Variants in FIGN observed in about 807,000 individuals in gnomAD.
FIGN encodes the protein fidgetin.
Under a neutral mutation model 51.3 loss-of-function variants are expected in FIGN, and 11 were observed. That is an observed-to-expected ratio of 0.21 (90% confidence interval 0.13 to 0.35). FIGN has a LOEUF of 0.35. FIGN is among the 10% of genes least tolerant of loss of function. FIGN has a pLI of 1.00. For missense variants in FIGN, 857 were observed against 943.6 expected (o/e 0.91, Z 1.20); for synonymous variants, 407 against 363.2 (o/e 1.12, Z -1.37).
chr2:163,688,475 T>C (rs966009825), intron 2 of FIGN, among the ~76,000 whole-genome samples: 1 of 152,068 alleles, frequency 6.6e-6, no homozygotes, highest in African/African-American at 2.4e-5. Context: ...CACTAGAAAA[T>C]GACAGACTGG....
At chr2:163,717,875 CT>C (rs1334309737) in intron 2 of FIGN, among the ~76,000 whole-genome samples, 1 of 152,090 alleles carries the variant, frequency 6.6e-6, no homozygotes, top group Non-Finnish European at 1.5e-5. Flanking sequence ...AAGCTGTAAC[CT>C]TTCTTGAAAT....
In FIGN at chr2:163,672,342, T is replaced by C. The variant is rs947527400; in HGVS notation, c.26-60536A>G. 1.5e-4 allele frequency among the ~76,000 whole-genome samples: 23 copies of C among 152,188 alleles called. No individual in the cohort carries two copies. The East Asian group carries it at 4.2e-3, about 28-fold the overall frequency. ...TTTACTGAGGAAACTGGGTATATTGTGTAACTCTATGATATAAGCTTCAGA... is the reference window on the plus strand; with the variant it reads ...TTTACTGAGGAAACTGGGTATATTGCGTAACTCTATGATATAAGCTTCAGA... On this transcript the variant is annotated intron_variant, in intron 2 of 2. Transcript: ENST00000333129.
intron 2 of FIGN, among the ~76,000 whole-genome samples, chr2:163,632,203 A>G (rs1055098244): frequency 2.6e-5 from 4 of 152,196 alleles, no homozygotes; most frequent in Non-Finnish European, 5.9e-5. Flanking sequence ...GTAATAAAGT[A>G]TTTTAAAAGT....
chr2:163,705,166 A>C (rs1344860401), intron 2 of FIGN, among the ~76,000 whole-genome samples: 1 of 152,188 alleles, frequency 6.6e-6, no homozygotes, highest in Non-Finnish European at 1.5e-5. Flanking sequence ...TGTTTAATAC[A>C]CATGTGAATT....
In FIGN at chr2:163,610,201, C is replaced by T; in HGVS notation, c.1631G>A (p.Gly544Glu). 2 of 1,614,090 alleles carry T rather than the reference C, an allele frequency of 1.2e-6. No homozygotes were observed. Among genetic ancestry groups the T allele is most frequent in the South Asian group, 1.1e-5 (1 of 91,080 alleles). ...ACCGGCAATTTTGAAAAATGTGGCC[C>T]CCAGCTGACTAGCGATGCATCTGCC... is the stretch of plus-strand genomic sequence containing the variant. ...LLGRCIASQL[G>E]ATFFKIAGSG... Residue 544 changes from glycine to glutamate, a missense_variant, in exon 3 of 3, where the codon GGG becomes GAG. Around this residue, in one of 3 missense-constraint regions of FIGN, gnomAD observed 799 missense variants for 849.5 expected, o/e 0.94. Coordinates refer to ENST00000333129, the MANE Select transcript of FIGN (RefSeq NM_018086.4).
chr2:163,630,312 G>A (rs1353914610), intron 2 of FIGN, among the ~76,000 whole-genome samples: 1 of 151,950 alleles, frequency 6.6e-6, no homozygotes, highest in African/African-American at 2.4e-5. Context: ...GAGCTAAAGG[G>A]CAGGTAGAAT....
intron 2 of FIGN, among the ~76,000 whole-genome samples, chr2:163,678,888 T>TC (rs1684014317): frequency 6.6e-6 from 1 of 152,170 alleles, no homozygotes; most frequent in African/African-American, 2.4e-5. Context: ...GAAGAAATCA[T>TC]GTGAGATTTG....
intron 2 of FIGN, among the ~76,000 whole-genome samples, chr2:163,701,200 C>G: frequency 6.6e-6 from 1 of 152,118 alleles, no homozygotes; most frequent in Middle Eastern, 3.2e-3. Context: ...TGGGCAATTT[C>G]CTTAATCTCA....
At chr2:163,669,236 G>T (rs1448924191) in intron 2 of FIGN, among the ~76,000 whole-genome samples, 1 of 151,800 alleles carries the variant, frequency 6.6e-6, no homozygotes, top group Non-Finnish European at 1.5e-5. Context: ...TTTAAGAAAG[G>T]GTCTCACTCA....
At chr2:163,706,527 T>G (rs1684502413) in intron 2 of FIGN, among the ~76,000 whole-genome samples, 1 of 152,158 alleles carries the variant, frequency 6.6e-6, no homozygotes, top group Non-Finnish European at 1.5e-5. Flanking sequence ...ATCATGATGA[T>G]TCAAACAGGT....
At chr2:163,734,721 T>G (rs1256708072) in intron 2 of FIGN, among the ~76,000 whole-genome samples, 182 bp downstream of exon 2, 2 of 152,064 alleles carry the variant, frequency 1.3e-5, no homozygotes, top group Non-Finnish European at 2.9e-5. Flanking sequence ...AAAACTGCAA[T>G]ATACAAACAA....
At chr2:163,714,165 T>C (rs1032968653) in intron 2 of FIGN, among the ~76,000 whole-genome samples, 1 of 152,192 alleles carries the variant, frequency 6.6e-6, no homozygotes, top group Admixed American at 6.5e-5. Flanking sequence ...TCATCACTTT[T>C]TTCTTTTACA....
At chr2:163,646,517 A>G (rs1372507753) in intron 2 of FIGN, among the ~76,000 whole-genome samples, 1 of 152,174 alleles carries the variant, frequency 6.6e-6, no homozygotes, top group Non-Finnish European at 1.5e-5. Context: ...ACAAATCTCA[A>G]GATTTTACCT....
At chr2:163,611,894 TTA>T in intron 2 of FIGN, 88 bp from the exon 3 acceptor site, 1 of 1,039,620 alleles carries the variant, frequency 9.6e-7, no homozygotes, top group South Asian at 1.7e-5. Flanking sequence ...TTGTTACCTA[TTA>T]TTTTCCATTA....
At chr2:163,725,418 G>A (rs1684824149) in intron 2 of FIGN, among the ~76,000 whole-genome samples, 1 of 151,920 alleles carries the variant, frequency 6.6e-6, no homozygotes. Context: ...ACACCAACAA[G>A]CTGTTAGAAA....
intron 2 of FIGN, among the ~76,000 whole-genome samples, chr2:163,730,298 A>T (rs1484127825): frequency 1.3e-5 from 2 of 152,248 alleles, no homozygotes; most frequent in Admixed American, 1.3e-4. Context: ...AATCATACCA[A>T]AGCAGCTATG....
At chr2:163,684,331 T>G (rs1353395527) in intron 2 of FIGN, among the ~76,000 whole-genome samples, 2 of 152,252 alleles carry the variant, frequency 1.3e-5, no homozygotes, top group Non-Finnish European at 2.9e-5. Context: ...AAATTTTAAG[T>G]CACAGCAGTC....
intron 2 of FIGN, among the ~76,000 whole-genome samples, chr2:163,707,422 T>C (rs1684518918): frequency 1.3e-5 from 2 of 152,014 alleles, no homozygotes; most frequent in African/African-American, 4.8e-5. Context: ...CTCTAGTGGG[T>C]AAACTCTGCC....
At position 163,691,689 on chromosome 2, in the gene FIGN, A is replaced by G. The variant is rs73974375; in HGVS notation, c.25+43214T>C. Among the ~76,000 whole-genome samples, 1,482 of 152,254 alleles carry G rather than the reference A, an allele frequency of 9.7e-3. 21 individuals are homozygous for G. The highest frequency in any genetic ancestry group is 0.033 in the African/African-American group (1,381 of 41,544). ...ATTTGGTTAACAAATATTTCATGTT[A>G]CCTACACTAAAATGGATTAGTGGCA... is the stretch of plus-strand genomic sequence containing the variant. On this transcript the variant is annotated intron_variant, in intron 2 of 2. Coordinates refer to ENST00000333129, the MANE Select transcript of FIGN (RefSeq NM_018086.4).
Sources: gnomAD v4.1 joint callset for allele counts (sites outside exome capture counted in the v4.1 genomes callset) on GRCh38, gnomAD v4.1.1 for gene constraint, gnomAD v4.1.1 regional missense constraint, MANE v1.5 for transcripts, NCBI Gene and HGNC (gene_info 2026-07-23, HGNC 2026-07-21) for gene names.